The following ASIC2 variants were observed in gnomAD, a reference collection of about 807,000 sequenced individuals.
ASIC2 encodes the protein acid sensing ion channel subunit 2, also known as acid-sensing ion channel 2.
ASIC2 carries 25 observed loss-of-function variants against 57.3 expected under a neutral mutation model. That is an observed-to-expected ratio of 0.44 (90% CI 0.32 to 0.61). The LOEUF is 0.61. ASIC2 is among the 20% of genes least tolerant of loss of function. The pLI is 0.06. For missense variants in ASIC2, 641 were observed against 738.1 expected (o/e 0.87, Z 1.52); for synonymous variants, 319 against 307.5 (o/e 1.04, Z -0.39).
rs116886141 is a variant in ASIC2 at position 33,776,074 on chromosome 17, G to A, written c.555+379904C>T. Among the ~76,000 whole-genome samples the A allele has an allele frequency of 8.0e-3, 1,200 of 149,810 alleles. 10 individuals carry two copies. The highest frequency in any genetic ancestry group is 0.012 in the Non-Finnish European group (808 of 67,766). On this transcript the variant is annotated intron_variant, in intron 1 of 9. Transcript: ENST00000359872. Reference sequence around the variant, plus strand: ...CTTGAACCAGGGAGGCGGAGGTTGCGGTGAGTCAAGATCATGCCACTACAC... The same window carrying A: ...CTTGAACCAGGGAGGCGGAGGTTGCAGTGAGTCAAGATCATGCCACTACAC...
chr17:33,696,924 C>A lies in ASIC2; in HGVS notation c.555+459054G>T, dbSNP rs143936258. Among the ~76,000 whole-genome samples the A allele has an allele frequency of 3.9e-5, 6 of 152,228 alleles. No individual in the cohort carries two copies. In the East Asian group the frequency reaches 9.6e-4, roughly 24 times the overall value. ...CCCAAATCTCATATTGAAATGTAAT[C>A]CCTAATATTGGACGTGGGGCCTGGC... On this transcript the variant is annotated intron_variant, in intron 1 of 9. Transcript: ENST00000359872.
At chr17:33,147,067 C>G (rs1404997962) in intron 1 of ASIC2, among the ~76,000 whole-genome samples, 1 of 152,294 alleles carries the variant, frequency 6.6e-6, no homozygotes, top group Non-Finnish European at 1.5e-5. Flanking sequence ...TATTCCACAT[C>G]TGAAGTAAGA....
At chr17:34,139,139 G>A (rs1260488800) in intron 1 of ASIC2, among the ~76,000 whole-genome samples, 2 of 152,222 alleles carry the variant, frequency 1.3e-5, no homozygotes, top group Admixed American at 6.5e-5. Flanking sequence ...GATGGGAGAT[G>A]ATTTGAAGAT....
At chr17:33,738,169 C>T (rs1909983044) in intron 1 of ASIC2, among the ~76,000 whole-genome samples, 1 of 152,132 alleles carries the variant, frequency 6.6e-6, no homozygotes, top group Non-Finnish European at 1.5e-5. Context: ...GAGGACCTCA[C>T]TTCTTCATTG....
chr17:34,072,778 T>C (rs1346630719), intron 1 of ASIC2, among the ~76,000 whole-genome samples: 1 of 152,238 alleles, frequency 6.6e-6, no homozygotes, highest in Non-Finnish European at 1.5e-5. Flanking sequence ...AGAAACTCAT[T>C]TTATTTGTTA....
At chr17:34,038,525 C>T in intron 1 of ASIC2, 2 of 1,611,222 alleles carry the variant, frequency 1.2e-6, no homozygotes, top group South Asian at 2.2e-5. Context: ...TTCACTGAAA[C>T]CTCCTCTACC....
At position 33,578,679 on chromosome 17, in the gene ASIC2, C is replaced by T. The variant is rs557288468; in HGVS notation, c.556-466612G>A. Among the ~76,000 whole-genome samples the T allele has an allele frequency of 3.3e-5, 5 of 152,314 alleles. No homozygotes were observed. The South Asian group carries it at 8.3e-4, about 25-fold the overall frequency. The stretch of plus-strand genomic sequence containing the variant: ...CCCCTTATTTACTTCACTCCCCCCT[C>T]CTCTTCCCTACACCAACTCTACAAC... On this transcript the variant is annotated intron_variant, in intron 1 of 9. Coordinates refer to the ASIC2 transcript ENST00000359872.
At chr17:33,476,815 C>T (rs1416461808) in intron 1 of ASIC2, among the ~76,000 whole-genome samples, 1 of 152,040 alleles carries the variant, frequency 6.6e-6, no homozygotes, top group Non-Finnish European at 1.5e-5. Flanking sequence ...AGAGATGCGA[C>T]CTCTCATGCC....
At chr17:33,520,695 A>T (rs1266611386) in intron 1 of ASIC2, among the ~76,000 whole-genome samples, 7 of 152,254 alleles carry the variant, frequency 4.6e-5, no homozygotes, top group Non-Finnish European at 8.8e-5. Context: ...AGGGTGGAGG[A>T]GCAAGTGAGC....
intron 1 of ASIC2, among the ~76,000 whole-genome samples, chr17:34,066,428 C>A (rs1909174820): frequency 6.6e-6 from 1 of 152,152 alleles, no homozygotes; most frequent in Non-Finnish European, 1.5e-5. Context: ...GGGTCCTCAG[C>A]ATCTATGTTT....
At chr17:33,432,943 C>G (rs1414957041) in intron 1 of ASIC2, among the ~76,000 whole-genome samples, 2 of 152,188 alleles carry the variant, frequency 1.3e-5, no homozygotes, top group African/African-American at 4.8e-5. Flanking sequence ...AACACTTACG[C>G]ACCGTTGGTG....
intron 1 of ASIC2, among the ~76,000 whole-genome samples, chr17:33,742,139 T>C (rs11656873): frequency 0.35 from 53,500 of 152,050 alleles, 11,183 homozygotes; most frequent in Non-Finnish European, 0.48. Flanking sequence ...GTTCCAGTTG[T>C]TCATATCGAT....
chr17:33,841,409 C>T (rs1913432600), intron 1 of ASIC2, among the ~76,000 whole-genome samples: 1 of 152,106 alleles, frequency 6.6e-6, no homozygotes, highest in Admixed American at 6.5e-5. Flanking sequence ...AGGCTTTAAG[C>T]CTAAAGTGCT....
At chr17:34,123,360 A>C (rs1014426915) in intron 1 of ASIC2, among the ~76,000 whole-genome samples, 10 of 152,082 alleles carry the variant, frequency 6.6e-5, no homozygotes, top group Non-Finnish European at 1.5e-4. Flanking sequence ...CTTCGGCTCC[A>C]CTGCAATGTC....
At chr17:33,038,821 C>T (rs1230878082) in intron 3 of ASIC2, among the ~76,000 whole-genome samples, 1 of 152,180 alleles carries the variant, frequency 6.6e-6, no homozygotes, top group African/African-American at 2.4e-5. Flanking sequence ...TTTTTCCAGC[C>T]TCTCCCAGAC....
intron 1 of ASIC2, among the ~76,000 whole-genome samples, chr17:33,933,334 A>G (rs577743594): frequency 6.6e-6 from 1 of 152,292 alleles, no homozygotes; most frequent in East Asian, 1.9e-4. Context: ...ATTGAATTGC[A>G]TGTTTACTTT....
intron 1 of ASIC2, among the ~76,000 whole-genome samples, chr17:33,240,097 A>T (rs1430750772): frequency 6.6e-6 from 1 of 152,150 alleles, no homozygotes; most frequent in Non-Finnish European, 1.5e-5. Context: ...AGGAGCCAAA[A>T]ACCTTCCCAA....
chr17:33,343,579 G>A (rs1048089417), intron 1 of ASIC2, among the ~76,000 whole-genome samples: 10 of 152,176 alleles, frequency 6.6e-5, no homozygotes, highest in Admixed American at 3.3e-4. Context: ...TATGCCATTC[G>A]CTTGTATGTA....
intron 1 of ASIC2, among the ~76,000 whole-genome samples, chr17:33,423,488 C>T (rs966024471): frequency 6.6e-6 from 1 of 152,174 alleles, no homozygotes; most frequent in African/African-American, 2.4e-5. Context: ...GTGATAACAG[C>T]TTTCAGTCCA....
Sources: allele counts gnomAD v4.1 joint callset (sites outside exome capture counted in the v4.1 genomes callset), GRCh38; gene constraint gnomAD v4.1.1; transcripts MANE v1.5; gene names NCBI Gene and HGNC (gene_info 2026-07-23, HGNC 2026-07-21).